Variants in CALD1 observed in about 807,000 individuals in gnomAD.
CALD1 encodes the protein caldesmon.
CALD1 carries 33 observed loss-of-function variants against 99.9 expected under a neutral mutation model. The ratio of observed to expected loss-of-function variants is 0.33; its 90% CI spans 0.25 to 0.44. The LOEUF is 0.44. CALD1 is among the 20% of genes least tolerant of loss of function. The probability of loss-of-function intolerance (pLI) is 1.00; values close to 1 mark genes in which losing one functional copy is unlikely to be tolerated. For missense variants in CALD1, 861 were observed against 962.1 expected (o/e 0.89, Z 1.39); for synonymous variants, 310 against 325.0 (o/e 0.95, Z 0.50).
chr7:134,787,552 CT>C (rs982608378), intron 1 of CALD1, among the ~76,000 whole-genome samples: 1 of 152,140 alleles, frequency 6.6e-6, no homozygotes, highest in Non-Finnish European at 1.5e-5. Flanking sequence ...TACATCTTCT[CT>C]AGGGCAGGAG....
intron 1 of CALD1, among the ~76,000 whole-genome samples, chr7:134,771,466 A>G (rs932083057): frequency 1.3e-5 from 2 of 152,124 alleles, no homozygotes; most frequent in Non-Finnish European, 2.9e-5. Flanking sequence ...CATCTAAGCC[A>G]TCAGTGAATC....
At chr7:134,769,419 G>A (rs763665276) in intron 1 of CALD1, among the ~76,000 whole-genome samples, 3 of 152,112 alleles carry the variant, frequency 2.0e-5, no homozygotes, top group Non-Finnish European at 2.9e-5. Flanking sequence ...AGTTTTGCGT[G>A]ATTAAACTTT....
intron 1 of CALD1, among the ~76,000 whole-genome samples, chr7:134,781,703 A>G (rs933062154): frequency 6.6e-6 from 1 of 152,366 alleles, no homozygotes; most frequent in South Asian, 2.1e-4. Context: ...ATGTATGTAC[A>G]ATGGATTGAT....
At chr7:134,775,543 C>T (rs900276130), upstream of CALD1, among the ~76,000 whole-genome samples, 2 of 152,078 alleles carry the variant, frequency 1.3e-5, no homozygotes, top group African/African-American at 4.8e-5. Flanking sequence ...AACCCTGTCT[C>T]TACTAAAAAT....
At chr7:134,794,212 A>G (rs1339663521) in intron 1 of CALD1, among the ~76,000 whole-genome samples, 1 of 152,136 alleles carries the variant, frequency 6.6e-6, no homozygotes, top group African/African-American at 2.4e-5. Context: ...CCCAGAGACT[A>G]GAACAATCCC....
At chr7:134,749,018 C>G (rs976234474) in intron 1 of CALD1, among the ~76,000 whole-genome samples, 1 of 152,198 alleles carries the variant, frequency 6.6e-6, no homozygotes, top group African/African-American at 2.4e-5. Context: ...GACCCTGAAT[C>G]TGCCCTGAGT....
chr7:134,885,427 C>G (rs1228883493), intron 3 of CALD1, among the ~76,000 whole-genome samples: 1 of 152,064 alleles, frequency 6.6e-6, no homozygotes, highest in Non-Finnish European at 1.5e-5. Flanking sequence ...GGTCTGACCA[C>G]CCCCCAAAAA....
intron 1 of CALD1, among the ~76,000 whole-genome samples, chr7:134,753,021 A>C (rs534209673): frequency 0.18 from 17,910 of 99,044 alleles, 1,360 homozygotes; most frequent in East Asian, 0.45. Flanking sequence ...AAAAAAAAAA[A>C]ACAAAAAAAA....
chr7:134,790,973 T>C (rs767669331), intron 1 of CALD1, among the ~76,000 whole-genome samples: 3 of 149,960 alleles, frequency 2.0e-5, no homozygotes, highest in African/African-American at 4.9e-5. Context: ...TGCTTCTGTG[T>C]GGGTCAGGTA....
chr7:134,743,531 G>A (rs1183836644), upstream of CALD1, among the ~76,000 whole-genome samples: 1 of 152,150 alleles, frequency 6.6e-6, no homozygotes, highest in Non-Finnish European at 1.5e-5. Context: ...TTCCTCTGAT[G>A]CCTGGTAAAG....
At chr7:134,921,724 ATTAC>A (rs1804636471) in intron 3 of CALD1, among the ~76,000 whole-genome samples, 1 of 152,228 alleles carries the variant, frequency 6.6e-6, no homozygotes, top group African/African-American at 2.4e-5. Context: ...AGACACAAGA[ATTAC>A]TTGAACCAGG....
the CALD1 span, among the ~76,000 whole-genome samples, chr7:134,715,933 G>A: frequency 6.6e-6 from 1 of 152,088 alleles, no homozygotes; most frequent in Non-Finnish European, 1.5e-5. Flanking sequence ...TACGATGCCT[G>A]CCAAGTTACA....
chr7:134,716,618 A>G, the CALD1 span, among the ~76,000 whole-genome samples: 2 of 152,242 alleles, frequency 1.3e-5, 1 homozygote, highest in South Asian at 4.1e-4. Context: ...AATGTCAGGG[A>G]AAAAACTCAG....
intron 1 of CALD1, among the ~76,000 whole-genome samples, chr7:134,836,449 T>C (rs17168086): frequency 0.11 from 17,074 of 152,226 alleles, 1,801 homozygotes; most frequent in African/African-American, 0.28. Context: ...TCGTTGATAA[T>C]GATGACAGTG....
intron 1 of CALD1, among the ~76,000 whole-genome samples, chr7:134,810,004 A>T (rs931147425): frequency 2.0e-5 from 3 of 152,242 alleles, no homozygotes; most frequent in African/African-American, 7.2e-5. Context: ...AACTTTTAAA[A>T]GGAATCTTGG....
chr7:134,939,632 T>C (rs1806270568), intron 6 of CALD1, among the ~76,000 whole-genome samples: 1 of 152,122 alleles, frequency 6.6e-6, no homozygotes, highest in African/African-American at 2.4e-5. Flanking sequence ...TTAAAACTTA[T>C]CAATAAAGAG....
chr7:134,862,288 G>A (rs919662954), intron 2 of CALD1, among the ~76,000 whole-genome samples: 11 of 152,140 alleles, frequency 7.2e-5, no homozygotes, highest in African/African-American at 2.7e-4. Flanking sequence ...TATTATAGTG[G>A]TTAAGTGTAT....
chr7:134,782,152 C>T (rs1047095286), intron 1 of CALD1, among the ~76,000 whole-genome samples: 3 of 152,178 alleles, frequency 2.0e-5, no homozygotes, highest in African/African-American at 7.2e-5. Flanking sequence ...TTAGTCATTC[C>T]TTAGCAAGAC....
chr7:134,807,484 C>T (rs1228180159), intron 1 of CALD1, among the ~76,000 whole-genome samples: 1 of 152,182 alleles, frequency 6.6e-6, no homozygotes, highest in Non-Finnish European at 1.5e-5. Flanking sequence ...TCACCCCACT[C>T]CCCCAGGCTA....
Sources: gnomAD v4.1 joint callset for allele counts (sites outside exome capture counted in the v4.1 genomes callset) on GRCh38, gnomAD v4.1.1 for gene constraint, MANE v1.5 for transcripts, NCBI Gene and HGNC (gene_info 2026-07-23, HGNC 2026-07-21) for gene names.